The following TFDP2 variants were observed in gnomAD, a reference collection of about 807,000 sequenced individuals.
TFDP2 encodes transcription factor Dp-2 (E2F dimerization partner 2).
TFDP2 carries 17 observed loss-of-function variants against 59.3 expected under a neutral mutation model. The observed-to-expected ratio is 0.29, with a 90% CI of 0.20 to 0.43. The LOEUF is 0.43. TFDP2 is among the 20% of genes least tolerant of loss of function. The probability of loss-of-function intolerance (pLI) is 1.00; values close to 1 mark genes in which losing one functional copy is unlikely to be tolerated. For missense variants in TFDP2, 391 were observed against 528.8 expected (o/e 0.74, Z 2.56); for synonymous variants, 180 against 194.7 (o/e 0.92, Z 0.63).
intron 3 of TFDP2, among the ~76,000 whole-genome samples, chr3:142,026,705 A>T (rs1415051083): frequency 6.6e-6 from 1 of 152,230 alleles, no homozygotes; most frequent in Non-Finnish European, 1.5e-5. Context: ...TGTTACTTGT[A>T]AAAGGAAAGG....
chr3:141,945,837 A>G lies in TFDP2; in HGVS notation c.*6676T>C, dbSNP rs1935187710. On this transcript the variant is annotated 3_prime_UTR_variant, in exon 13 of 13. Transcript: ENST00000489671. ...AACGTGATCTGGGGAATTTTCCGTT[A>G]TGATTCGACAGACATGGGCAGCACC... 6.6e-6 allele frequency: 1 copy of G among 152,224 alleles called. No individual in the cohort carries two copies. The highest frequency in any genetic ancestry group is 2.4e-5 in the African/African-American group (1 of 41,454). 9.4% of individuals were successfully genotyped at this position (152,224 alleles called of 1,614,324 possible).
At chr3:142,051,080 C>T (rs1022779183) in intron 3 of TFDP2, among the ~76,000 whole-genome samples, 2 of 152,146 alleles carry the variant, frequency 1.3e-5, no homozygotes. Flanking sequence ...GCTTAGTATG[C>T]AGCTACAGCA....
Position 142,131,288 on chromosome 3 carries a change from A to G in TFDP2, c.-93+17895T>C, listed in dbSNP as rs1056286095. ...AATAATCCAAATTTGAATACATTTC[A>G]TAACATAATTTATAAACATATAAAG... On this transcript the variant is annotated intron_variant, in intron 1 of 12. Transcript: ENST00000489671. Among the ~76,000 whole-genome samples, 6 of 150,274 alleles carry G rather than the reference A, an allele frequency of 4.0e-5. 2 individuals are homozygous for G. The highest frequency in any genetic ancestry group is 1.5e-4 in the African/African-American group (6 of 39,748).
chr3:141,948,001 A>T lies in TFDP2; in HGVS notation c.*4512T>A, dbSNP rs928515652. ...TCTGTGATCAAGTTTCCCCAATAGG[A>T]GGAGAACCCAACATCGGCAGGGCTC... On this transcript the variant is annotated 3_prime_UTR_variant, in exon 13 of 13. Coordinates refer to ENST00000489671, the MANE Select transcript of TFDP2 (RefSeq NM_001178139.2). The T allele has an allele frequency of 2.0e-5, 3 of 152,244 alleles. No homozygotes were observed. The highest frequency in any genetic ancestry group is 4.4e-5 in the Non-Finnish European group (3 of 68,086). The allele number at this position is 152,244 out of a possible 1,614,324, so 9.4% of individuals were successfully genotyped here.
At chr3:142,016,297 G>A (rs1229842222) in intron 3 of TFDP2, among the ~76,000 whole-genome samples, 3 of 94,914 alleles carry the variant, frequency 3.2e-5, no homozygotes, top group African/African-American at 9.3e-5. Context: ...ACCACGCCCA[G>A]CAACATTTTT....
At chr3:142,044,075 G>C in intron 3 of TFDP2, 1 of 651,536 alleles carries the variant, frequency 1.5e-6, no homozygotes, top group Admixed American at 2.1e-5. Context: ...ATCAGCTTCC[G>C]CATCTGCTGA....
intron 3 of TFDP2, among the ~76,000 whole-genome samples, chr3:142,062,152 A>G (rs1039081355): frequency 3.9e-5 from 6 of 151,940 alleles, no homozygotes; most frequent in Non-Finnish European, 5.9e-5. Context: ...CTCCCTTAAG[A>G]TCTTCTTAAT....
intron 6 of TFDP2, among the ~76,000 whole-genome samples, chr3:141,991,459 A>T (rs1432458484): frequency 6.6e-6 from 1 of 152,128 alleles, no homozygotes; most frequent in Non-Finnish European, 1.5e-5. Flanking sequence ...TTAGCAAAAA[A>T]GTAAAAAATA....
At chr3:142,087,751 C>T (rs918390315) in intron 3 of TFDP2, among the ~76,000 whole-genome samples, 6 of 152,162 alleles carry the variant, frequency 3.9e-5, no homozygotes, top group Non-Finnish European at 5.9e-5. Flanking sequence ...ATCCACCCCC[C>T]TTGGCCTCCC....
intron 3 of TFDP2, among the ~76,000 whole-genome samples, chr3:142,023,122 C>CAAAAAAAAAAAAAAAAA (rs765096570): frequency 3.9e-4 from 23 of 59,406 alleles, no homozygotes; most frequent in South Asian, 7.9e-4. Context: ...CCCTCCGTCT[C>CAAAAAAAAAAAAAAAAA]AAAAAAAAAA....
chr3:141,968,510 T>C (rs1483009947), intron 9 of TFDP2, among the ~76,000 whole-genome samples: 2 of 110,320 alleles, frequency 1.8e-5, no homozygotes, highest in East Asian at 2.3e-4. Context: ...ATATATAACA[T>C]ATATATCTCA....
intron 3 of TFDP2, among the ~76,000 whole-genome samples, chr3:142,073,081 G>C (rs554112964): frequency 1.3e-5 from 2 of 152,286 alleles, no homozygotes; most frequent in East Asian, 3.9e-4. Flanking sequence ...TTGATAGTAT[G>C]TGCCTTAATA....
intron 1 of TFDP2, among the ~76,000 whole-genome samples, chr3:142,109,554 G>C (rs2061583647): frequency 6.6e-6 from 1 of 151,976 alleles, no homozygotes; most frequent in East Asian, 1.9e-4. Flanking sequence ...TCTCAAACTA[G>C]CAAACTCAGG....
intron 8 of TFDP2, among the ~76,000 whole-genome samples, chr3:141,973,457 A>G (rs914608090): frequency 1.3e-5 from 2 of 152,188 alleles, no homozygotes; most frequent in African/African-American, 2.4e-5. Context: ...TAGAAACAGT[A>G]TGTCAGGGAA....
intron 3 of TFDP2, among the ~76,000 whole-genome samples, 152 bp from the exon 4 acceptor site, chr3:142,005,696 G>T (rs1944153131): frequency 6.6e-6 from 1 of 152,124 alleles, no homozygotes; most frequent in Non-Finnish European, 1.5e-5. Flanking sequence ...TTACTGAAAA[G>T]TCATACTAAT....
intron 6 of TFDP2, among the ~76,000 whole-genome samples, chr3:141,984,047 G>C (rs994283538): frequency 6.7e-6 from 1 of 149,238 alleles, no homozygotes; most frequent in African/African-American, 2.5e-5. Context: ...TAGGTAAAAT[G>C]TGGAAGCAAC....
intron 10 of TFDP2, 70 bp from the exon 11 acceptor site, chr3:141,959,910 GTT>G: frequency 6.7e-7 from 1 of 1,483,588 alleles, no homozygotes. Context: ...GTATTCTATA[GTT>G]TAAGTAACAG....
At chr3:142,012,135 C>T (rs1364557783) in intron 3 of TFDP2, among the ~76,000 whole-genome samples, 4 of 151,704 alleles carry the variant, frequency 2.6e-5, no homozygotes. Flanking sequence ...GCCTCAGCCT[C>T]CCAAGTAGCT....
chr3:142,001,334 C>A (rs1269981923), intron 4 of TFDP2, among the ~76,000 whole-genome samples: 6 of 152,230 alleles, frequency 3.9e-5, no homozygotes, highest in African/African-American at 1.4e-4. Context: ...GGCTAAGGAG[C>A]ACTGTGCCAA....
Sources: gnomAD v4.1 joint callset for allele counts (sites outside exome capture counted in the v4.1 genomes callset) on GRCh38, gnomAD v4.1.1 for gene constraint, MANE v1.5 for transcripts, NCBI Gene and HGNC (gene_info 2026-07-23, HGNC 2026-07-21) for gene names.